Variants in ZFHX3 observed in about 807,000 individuals in gnomAD.
ZFHX3 encodes zinc finger homeobox 3.
A neutral mutation model predicts 279.1 loss-of-function variants in ZFHX3; 42 were observed. That is an observed-to-expected ratio of 0.15 (90% CI 0.12 to 0.19). The LOEUF (loss-of-function observed/expected upper bound fraction) is 0.19, where lower values mean the gene tolerates loss of function less well. Among genes scored for constraint, ZFHX3 ranks in the 10% least tolerant of loss-of-function variants. The probability of loss-of-function intolerance (pLI) is 1.00; values close to 1 mark genes in which losing one functional copy is unlikely to be tolerated. For missense variants in ZFHX3, 4,981 were observed against 4,754.0 expected (o/e 1.05, Z -1.40); for synonymous variants, 2,293 against 1,957.8 (o/e 1.17, Z -4.52).
intron 5 of ZFHX3, chr16:73,143,932 T>G: frequency 2.4e-6 from 1 of 425,520 alleles, no homozygotes; most frequent in South Asian, 1.9e-5. Flanking sequence ...GCTTTTCACT[T>G]ATTTTTCTTA....
intron 2 of ZFHX3, among the ~76,000 whole-genome samples, chr16:73,668,411 C>T (rs1245907843): frequency 6.6e-6 from 1 of 151,952 alleles, no homozygotes; most frequent in African/African-American, 2.4e-5. Context: ...ACCCATCAAC[C>T]CATCATCGAC....
intron 2 of ZFHX3, among the ~76,000 whole-genome samples, chr16:73,651,029 AAATT>A (rs570863232): frequency 6.6e-6 from 1 of 152,214 alleles, no homozygotes; most frequent in South Asian, 2.1e-4. Context: ...ATAAGAATAA[AAATT>A]AAGCTTTAAA....
chr16:73,500,903 G>A (rs527292891), intron 2 of ZFHX3, among the ~76,000 whole-genome samples: 11 of 152,202 alleles, frequency 7.2e-5, no homozygotes, highest in African/African-American at 1.9e-4. Context: ...TAAATCTAAC[G>A]TAGCCTGAGT....
chr16:72,902,056 A>C (rs1240589309), intron 3 of ZFHX3, among the ~76,000 whole-genome samples: 1 of 152,244 alleles, frequency 6.6e-6, no homozygotes. Flanking sequence ...ATAATGCAAT[A>C]ATTATTGAAT....
At chr16:73,085,985 C>CAAAAAAAAAAAAAAAAAAAAAAA (rs57128744) in intron 8 of ZFHX3, among the ~76,000 whole-genome samples, 1 of 54,228 alleles carries the variant, frequency 1.8e-5, no homozygotes, top group Admixed American at 2.1e-4. Flanking sequence ...AACTCAATTG[C>CAAAAAAAAAAAAAAAAAAAAAAA]AAAAAAAAAA....
At chr16:72,790,977 C>G (rs1286100011) in intron 9 of ZFHX3, 2 of 151,724 alleles carry the variant, frequency 1.3e-5, no homozygotes, top group Non-Finnish European at 2.9e-5. Flanking sequence ...CCAAGCCTTG[C>G]ACTAGCCATG....
At chr16:73,118,252 A>C (rs969474718) in intron 7 of ZFHX3, among the ~76,000 whole-genome samples, 2 of 152,184 alleles carry the variant, frequency 1.3e-5, no homozygotes, top group African/African-American at 4.8e-5. Flanking sequence ...TCTGTTACCC[A>C]GGCTAGAGTG....
intron 2 of ZFHX3, among the ~76,000 whole-genome samples, chr16:73,472,280 A>C (rs1319945731): frequency 1.2e-4 from 18 of 151,678 alleles, no homozygotes; most frequent in African/African-American, 2.2e-4. Flanking sequence ...AAAAAAAAAA[A>C]AAAAAAACAG....
chr16:72,861,770 T>C (rs1249881479), intron 4 of ZFHX3, among the ~76,000 whole-genome samples: 2 of 152,158 alleles, frequency 1.3e-5, no homozygotes, highest in African/African-American at 4.8e-5. Flanking sequence ...ATCCCAGCAC[T>C]TTGGGAGGCA....
intron 4 of ZFHX3, among the ~76,000 whole-genome samples, chr16:73,296,069 C>CGT (rs58283675): frequency 0.042 from 6,323 of 149,022 alleles, 152 homozygotes; most frequent in Non-Finnish European, 0.059. Flanking sequence ...ATTACAATCC[C>CGT]GTGTGTGTGT....
At chr16:73,130,251 A>AG (rs1439115917) in intron 7 of ZFHX3, among the ~76,000 whole-genome samples, 2 of 151,684 alleles carry the variant, frequency 1.3e-5, no homozygotes, top group African/African-American at 2.4e-5. Context: ...TTTTTGGTGG[A>AG]GGGAAAAAAA....
At chr16:73,434,610 G>GT (rs11300899) in intron 3 of ZFHX3, among the ~76,000 whole-genome samples, 4 of 151,226 alleles carry the variant, frequency 2.6e-5, no homozygotes, top group African/African-American at 9.7e-5. Context: ...TATGGATGGT[G>GT]TTTTTTTTTT....
intron 3 of ZFHX3, among the ~76,000 whole-genome samples, chr16:73,334,816 T>C (rs1335590266): frequency 3.2e-4 from 43 of 133,980 alleles, no homozygotes; most frequent in African/African-American, 1.1e-3. Context: ...CATTCTTTTT[T>C]TTTTTTTTTT....
intron 1 of ZFHX3, among the ~76,000 whole-genome samples, chr16:73,705,893 A>G (rs1377616399): frequency 6.6e-6 from 1 of 152,134 alleles, no homozygotes; most frequent in Non-Finnish European, 1.5e-5. Context: ...TTTTTGCCAC[A>G]GTTCCTCTGA....
chr16:72,850,773 G>T (rs1168829347), intron 4 of ZFHX3, among the ~76,000 whole-genome samples: 1 of 152,052 alleles, frequency 6.6e-6, no homozygotes, highest in Non-Finnish European at 1.5e-5. Context: ...TATTATTCCA[G>T]ATTTGTTTCT....
In ZFHX3 at chr16:73,807,620, A is replaced by ATTTTTTTTTTTTTT. The variant is rs55806545; in HGVS notation, c.-1608+84017_-1608+84030dup. On this transcript the variant is annotated intron_variant, in intron 1 of 17. Coordinates refer to the ZFHX3 transcript ENST00000641206. ...TACAGGCACATTCCACCATGCCCCA[A>ATTTTTTTTTTTTTT]TTTTTTTTTTTTTTTTTTTTTTTTT... Among the ~76,000 whole-genome samples, 22 of 70,580 alleles carry ATTTTTTTTTTTTTT rather than the reference A, an allele frequency of 3.1e-4. 1 individual carries two copies. The highest frequency in any genetic ancestry group is 1.1e-3 in the African/African-American group (21 of 18,274). The allele number at this position is 70,580 out of a possible 152,430, so 46.3% of individuals were successfully genotyped here.
intron 3 of ZFHX3, among the ~76,000 whole-genome samples, chr16:73,376,475 T>C (rs1254057944): frequency 6.6e-6 from 1 of 152,224 alleles, no homozygotes; most frequent in Non-Finnish European, 1.5e-5. Context: ...CTTTAATTCA[T>C]TTCATTTTCA....
At chr16:73,572,235 A>C (rs1222874579) in intron 2 of ZFHX3, among the ~76,000 whole-genome samples, 1 of 151,810 alleles carries the variant, frequency 6.6e-6, no homozygotes, top group Non-Finnish European at 1.5e-5. Flanking sequence ...ACATTACAAT[A>C]AGGTAGGCAT....
chr16:73,322,934 T>C lies in ZFHX3; in HGVS notation c.-1290-4598A>G, dbSNP rs7197621. ...ACTTGTTTTGTGTAATTAAGTCCTA[T>C]TGGAATACAGTTTCAATGTGTTCAA... On this transcript the variant is annotated intron_variant, in intron 3 of 17. Transcript: ENST00000641206. Among the ~76,000 whole-genome samples the C allele has an allele frequency of 5.6e-3, 860 of 152,328 alleles. 7 individuals carry two copies. Among genetic ancestry groups the C allele is most frequent in the African/African-American group, 0.019 (810 of 41,566 alleles).
Sources: allele counts gnomAD v4.1 joint callset (sites outside exome capture counted in the v4.1 genomes callset), GRCh38; gene constraint gnomAD v4.1.1; transcripts MANE v1.5; gene names NCBI Gene and HGNC (gene_info 2026-07-23, HGNC 2026-07-21).